SYT14: variants seen among roughly 807,000 people sequenced by gnomAD.
SYT14 encodes the protein synaptotagmin-14.
A neutral mutation model predicts 74.2 loss-of-function variants in SYT14; 32 were observed. The observed-to-expected ratio is 0.43, with a 90% confidence interval of 0.33 to 0.58. The LOEUF is 0.58. Among genes scored for constraint, SYT14 ranks in the 20% least tolerant of loss-of-function variants. The pLI is 0.05. For missense variants in SYT14, 791 were observed against 981.8 expected (o/e 0.81, Z 2.60); for synonymous variants, 298 against 337.7 (o/e 0.88, Z 1.29).
intron 5 of SYT14, among the ~76,000 whole-genome samples, chr1:210,048,722 G>A (rs746385491): frequency 6.6e-6 from 1 of 152,176 alleles, no homozygotes; most frequent in East Asian, 1.9e-4. Context: ...CTTTCCCAAC[G>A]GTCCCCCAGA....
chr1:210,056,925 A>G (rs1455487476), intron 5 of SYT14, among the ~76,000 whole-genome samples: 2 of 151,596 alleles, frequency 1.3e-5, no homozygotes, highest in Admixed American at 6.6e-5. Flanking sequence ...TCTCACTGCA[A>G]CCTCCACCTC....
chr1:210,106,023 C>T (rs928935519), intron 7 of SYT14, among the ~76,000 whole-genome samples: 2 of 152,116 alleles, frequency 1.3e-5, no homozygotes, highest in Admixed American at 6.5e-5. Context: ...ATAAATTGCC[C>T]AGGTATGTCT....
chr1:210,014,228 G>T (rs550833396), intron 3 of SYT14, among the ~76,000 whole-genome samples: 2 of 151,952 alleles, frequency 1.3e-5, no homozygotes, highest in Admixed American at 6.5e-5. Flanking sequence ...CAGCTAATGG[G>T]TAATTTTATT....
Position 209,959,037 on chromosome 1 carries a change from C to G in SYT14, c.-486+6281C>G, listed in dbSNP as rs2079035313. On this transcript the variant is annotated intron_variant, in intron 2 of 9. Coordinates refer to ENST00000637265, the Ensembl canonical transcript of SYT14. ...AAAAAAAATAGAGTTACCATATAAC[C>G]CAGCAATTAATACTGCTAGGCCTAT... Among the ~76,000 whole-genome samples the G allele has an allele frequency of 2.0e-5, 3 of 151,990 alleles. No individual in the cohort carries two copies. The South Asian group carries it at 6.2e-4, about 32-fold the overall frequency.
At chr1:210,079,685 A>G (rs1385550631) in intron 5 of SYT14, among the ~76,000 whole-genome samples, 1 of 152,192 alleles carries the variant, frequency 6.6e-6, no homozygotes, top group African/African-American at 2.4e-5. Flanking sequence ...AAAAAAATGT[A>G]AGAAAAAACT....
intron 7 of SYT14, among the ~76,000 whole-genome samples, chr1:210,104,855 A>C (rs1172144294): frequency 6.6e-6 from 1 of 152,206 alleles, no homozygotes; most frequent in African/African-American, 2.4e-5. Context: ...AATTCTCAGA[A>C]TATAGGAGTC....
At chr1:210,061,354 T>C (rs956678235) in intron 5 of SYT14, among the ~76,000 whole-genome samples, 1 of 152,004 alleles carries the variant, frequency 6.6e-6, no homozygotes, top group Non-Finnish European at 1.5e-5. Context: ...TATCAAAATA[T>C]ATGCGTTTAT....
intron 5 of SYT14, among the ~76,000 whole-genome samples, chr1:210,077,837 AT>A (rs959927908): frequency 2.1e-4 from 32 of 152,344 alleles, no homozygotes; most frequent in African/African-American, 7.5e-4. Flanking sequence ...TAAATAAAGA[AT>A]TAAATACTGT....
chr1:210,031,144 G>A, intron 5 of SYT14, among the ~76,000 whole-genome samples: 1 of 149,824 alleles, frequency 6.7e-6, no homozygotes, highest in Non-Finnish European at 1.5e-5. Context: ...CGTTGCCCAG[G>A]ATGGGGCAGT....
At chr1:210,100,213 C>T in exon 7 of SYT14, 1 of 1,614,024 alleles carries the variant, frequency 6.2e-7, no homozygotes, top group South Asian at 1.1e-5. Flanking sequence ...TGTTCTTCTA[C>T]CTATAAAGAA....
intron 2 of SYT14, chr1:209,966,047 T>C (rs995361760): frequency 7.3e-6 from 3 of 409,982 alleles, no homozygotes; most frequent in African/African-American, 2.1e-5. Flanking sequence ...AATTTTGGTA[T>C]TTTTAGTAGA....
intron 5 of SYT14, among the ~76,000 whole-genome samples, chr1:210,075,227 G>A (rs1443872160): frequency 1.3e-5 from 2 of 152,116 alleles, no homozygotes; most frequent in East Asian, 1.9e-4. Context: ...CTGGTCTTCC[G>A]CTGGCGTGCT....
intron 5 of SYT14, among the ~76,000 whole-genome samples, chr1:210,047,560 GC>G (rs2080909730): frequency 6.6e-6 from 1 of 152,050 alleles, no homozygotes; most frequent in Admixed American, 6.6e-5. Context: ...ACCACACCCG[GC>G]TGATTTTTTG....
intron 2 of SYT14, among the ~76,000 whole-genome samples, chr1:209,968,314 G>A (rs2079188467): frequency 6.6e-6 from 1 of 151,626 alleles, no homozygotes; most frequent in Non-Finnish European, 1.5e-5. Context: ...ACAGTATAAG[G>A]GTTTTAACAA....
chr1:210,171,217 A>G (rs1222979307), exon 10 of SYT14: 2 of 152,222 alleles, frequency 1.3e-5, no homozygotes, highest in Non-Finnish European at 2.9e-5. Context: ...ACAAAGATTT[A>G]TAACAACAGA....
chr1:210,129,846 G>A (rs945882934), intron 7 of SYT14, among the ~76,000 whole-genome samples: 17 of 152,216 alleles, frequency 1.1e-4, no homozygotes, highest in Non-Finnish European at 1.9e-4. Flanking sequence ...AGTCTTCAAA[G>A]TAAAGATGCT....
At chr1:209,970,667 T>A (rs1373797705) in intron 2 of SYT14, among the ~76,000 whole-genome samples, 584 of 21,772 alleles carry the variant, frequency 0.027, no homozygotes, top group African/African-American at 0.14. Context: ...TATGGCTTTT[T>A]TTTTTTTTTT....
At chr1:209,963,477 C>G (rs911699843) in intron 2 of SYT14, among the ~76,000 whole-genome samples, 2 of 152,080 alleles carry the variant, frequency 1.3e-5, no homozygotes, top group African/African-American at 2.4e-5. Flanking sequence ...GGGATATATA[C>G]TAAGTAATTT....
At chr1:209,941,828 C>T (rs1247456939) in intron 1 of SYT14, among the ~76,000 whole-genome samples, 1 of 152,106 alleles carries the variant, frequency 6.6e-6, no homozygotes, top group East Asian at 1.9e-4. Context: ...TCCAGGTCCC[C>T]TGGAGACACT....
Sources: allele counts gnomAD v4.1 joint callset (sites outside exome capture counted in the v4.1 genomes callset), GRCh38; gene constraint gnomAD v4.1.1; transcripts MANE v1.5; gene names NCBI Gene and HGNC (gene_info 2026-07-23, HGNC 2026-07-21).